Variants in PTPRQ observed in about 807,000 individuals in gnomAD.
PTPRQ encodes the protein phosphatidylinositol phosphatase PTPRQ.
PTPRQ carries 199 observed loss-of-function variants against 246.0 expected under a neutral mutation model. The observed-to-expected ratio is 0.81, with a 90% CI of 0.72 to 0.91. The LOEUF (loss-of-function observed/expected upper bound fraction) is 0.91. Ranked by LOEUF, PTPRQ falls within the 40% of genes least tolerant of loss-of-function variation. PTPRQ has a pLI of 0.00. For missense variants in PTPRQ, 2,624 were observed against 2,528.4 expected, an observed-to-expected ratio of 1.04 and a Z score of -0.81; for synonymous variants, 869 against 853.2, an observed-to-expected ratio of 1.02 and a Z score of -0.32.
chr12:80,663,756 A>G (rs1900702879), intron 39 of PTPRQ, among the ~76,000 whole-genome samples: 1 of 151,768 alleles, frequency 6.6e-6, no homozygotes, highest in Admixed American at 6.6e-5. Flanking sequence ...ACTTTCTGCC[A>G]TGTTCACAAC....
intron 39 of PTPRQ, among the ~76,000 whole-genome samples, chr12:80,659,238 A>T (rs983537740): frequency 5.9e-5 from 9 of 152,082 alleles, no homozygotes; most frequent in African/African-American, 1.9e-4. Flanking sequence ...TTATTCATTT[A>T]TCAAATGATT....
intron 38 of PTPRQ, among the ~76,000 whole-genome samples, chr12:80,656,876 CAAAA>C (rs113862574): frequency 8.8e-6 from 1 of 113,596 alleles, no homozygotes; most frequent in African/African-American, 2.8e-5. Flanking sequence ...CCTCATTCCT[CAAAA>C]AAAAAAAAAA....
At chr12:80,649,563 A>G in intron 36 of PTPRQ, 25 bp from the exon 37 acceptor site, 1 of 1,549,442 alleles carries the variant, frequency 6.5e-7, no homozygotes. Context: ...ACATGACCCT[A>G]TTTTATACCT....
chr12:80,513,968 C>T (rs1895202091), intron 17 of PTPRQ, among the ~76,000 whole-genome samples: 1 of 152,154 alleles, frequency 6.6e-6, no homozygotes, highest in Admixed American at 6.5e-5. Flanking sequence ...GGAGCCCTTA[C>T]ATCTTGCTTG....
chr12:80,656,860 T>TA (rs1900457052), intron 38 of PTPRQ, among the ~76,000 whole-genome samples: 1 of 142,220 alleles, frequency 7.0e-6, no homozygotes, highest in Admixed American at 6.9e-5. Flanking sequence ...AAAAGATATA[T>TA]TTATACCTCA....
intron 6 of PTPRQ, chr12:80,465,188 A>C (rs1893350377): frequency 6.6e-6 from 1 of 151,582 alleles, no homozygotes; most frequent in South Asian, 2.1e-4. Flanking sequence ...CACTGATCCC[A>C]CAGAAATACA....
intron 8 of PTPRQ, among the ~76,000 whole-genome samples, chr12:80,477,818 T>C (rs1236852852): frequency 1.3e-5 from 2 of 152,310 alleles, no homozygotes; most frequent in South Asian, 4.1e-4. Context: ...TGCGCTTTTC[T>C]GACGGGCTTA....
At chr12:80,559,759 C>A (rs1896770248) in intron 25 of PTPRQ, among the ~76,000 whole-genome samples, 1 of 151,990 alleles carries the variant, frequency 6.6e-6, no homozygotes, top group African/African-American at 2.4e-5. Context: ...TCCAAATAAC[C>A]CCTAATTTGA....
chr12:80,506,008 T>G lies in PTPRQ; in HGVS notation c.2273-16T>G. 3.3e-6 allele frequency: 5 copies of G among 1,532,556 alleles called. No homozygotes were observed. The highest frequency in any genetic ancestry group is 4.4e-6 in the Non-Finnish European group (5 of 1,140,786). The allele number at this position is 1,532,556 out of a possible 1,614,324, so 94.9% of individuals were successfully genotyped here. On this transcript the variant is annotated splice_polypyrimidine_tract_variant and intron_variant, in intron 14 of 44. Coordinates refer to ENST00000644991, the MANE Select transcript of PTPRQ (RefSeq NM_001145026.2). The stretch of plus-strand genomic sequence containing the variant: ...AATGGAATTGTTTTATGTATCTATA[T>G]TTTTGTTTCTTTCAGTGCCTGATAG...
At chr12:80,525,604 A>G (rs1371736068) in intron 17 of PTPRQ, among the ~76,000 whole-genome samples, 1 of 139,210 alleles carries the variant, frequency 7.2e-6, no homozygotes, top group Non-Finnish European at 1.5e-5. Flanking sequence ...CATGGTTTAA[A>G]TAAAATTTTA....
chr12:80,531,718 T>C (rs888248680), intron 17 of PTPRQ, among the ~76,000 whole-genome samples: 7 of 152,228 alleles, frequency 4.6e-5, no homozygotes, highest in Non-Finnish European at 1.0e-4. Context: ...TTTTAATTAA[T>C]ATTCATGCTA....
intron 7 of PTPRQ, among the ~76,000 whole-genome samples, chr12:80,470,644 A>G (rs1455940521): frequency 6.6e-6 from 1 of 152,148 alleles, no homozygotes; most frequent in African/African-American, 2.4e-5. Context: ...AGGGCGAGGG[A>G]ATTGGAGGCC....
At chr12:80,497,939 GT>G (rs1894678882) in intron 14 of PTPRQ, among the ~76,000 whole-genome samples, 2 of 151,956 alleles carry the variant, frequency 1.3e-5, no homozygotes, top group Non-Finnish European at 2.9e-5. Context: ...TAGAAATCTA[GT>G]AAAGTAGCTT....
intron 26 of PTPRQ, among the ~76,000 whole-genome samples, chr12:80,598,357 A>C (rs529565918): frequency 6.6e-6 from 1 of 152,000 alleles, no homozygotes; most frequent in East Asian, 1.9e-4. Context: ...AAACTACAAA[A>C]GGATAGCCAG....
At chr12:80,655,545 G>C (rs756022503) in intron 38 of PTPRQ, among the ~76,000 whole-genome samples, 9 of 151,640 alleles carry the variant, frequency 5.9e-5, no homozygotes, top group Non-Finnish European at 1.0e-4. Context: ...TCTATTCTAT[G>C]GGCAAGTATA....
At chr12:80,561,106 G>A (rs370353806) in intron 25 of PTPRQ, 6 of 152,358 alleles carry the variant, frequency 3.9e-5, no homozygotes, top group East Asian at 1.9e-4. Context: ...CTAGTTTGAC[G>A]TTGAGAATTT....
Position 80,496,512 on chromosome 12 carries a change from T to TG in PTPRQ, c.2254dup (p.Val752GlyfsTer9). ...GCAATCAGGTATCTTCTTTACTCTCTGTAAGGACTTCGGAGACTGGTGAGC... is the reference window on the plus strand; with the variant it reads ...GCAATCAGGTATCTTCTTTACTCTCTGGTAAGGACTTCGGAGACTGGTGAGC... On this transcript the variant is annotated frameshift_variant, in exon 14 of 45. Transcript: ENST00000644991. LOFTEE classifies it high-confidence loss of function. 6.5e-7 allele frequency: 1 copy of TG among 1,542,646 alleles called. No individual in the cohort carries two copies. The highest frequency in any genetic ancestry group is 2.5e-5 in the East Asian group (1 of 40,736).
chr12:80,537,831 C>T (rs1366389653), intron 19 of PTPRQ, among the ~76,000 whole-genome samples: 2 of 152,008 alleles, frequency 1.3e-5, no homozygotes, highest in Admixed American at 6.6e-5. Context: ...TTAAATGGGC[C>T]GGGTGTGGTG....
intron 25 of PTPRQ, among the ~76,000 whole-genome samples, chr12:80,568,633 A>T (rs1327786632): frequency 6.6e-6 from 1 of 152,140 alleles, no homozygotes; most frequent in Admixed American, 6.5e-5. Context: ...GTTATATTCA[A>T]ATTTCATTTC....
Sources: allele counts gnomAD v4.1 joint callset (sites outside exome capture counted in the v4.1 genomes callset), GRCh38; gene constraint gnomAD v4.1.1; transcripts MANE v1.5; gene names NCBI Gene and HGNC (gene_info 2026-07-23, HGNC 2026-07-21).